CEP120: variants seen among roughly 807,000 people sequenced by gnomAD.
CEP120 encodes the protein centrosomal protein of 120 kDa.
Under a neutral mutation model 126.5 loss-of-function variants are expected in CEP120, and 113 were observed. The observed-to-expected ratio is 0.89, with a 90% CI of 0.77 to 1.04. The LOEUF (loss-of-function observed/expected upper bound fraction) is 1.04, where lower values mean the gene tolerates loss of function less well. Ranked by LOEUF, CEP120 falls within the 50% of genes least tolerant of loss-of-function variation. The pLI is 0.00. For synonymous variants in CEP120, 400 were observed against 394.3 expected (o/e 1.01, Z -0.17); for missense variants, 1,230 against 1,155.7 (o/e 1.06, Z -0.93).
rs1395177454 is a variant in CEP120, at chr5:123,356,213, A to G, written c.2581-6124T>C. On this transcript the variant is annotated intron_variant, in intron 18 of 19. Transcript: ENST00000306467. Reference sequence around the variant, plus strand: ...GTAGTATAGTTTGAAGTCAGGTAGCATGATGCCTCCAGCTTTGTTCTTTTG... The same window carrying G: ...GTAGTATAGTTTGAAGTCAGGTAGCGTGATGCCTCCAGCTTTGTTCTTTTG... Among the ~76,000 whole-genome samples, 9 of 152,050 alleles carry G rather than the reference A, an allele frequency of 5.9e-5. No individual in the cohort carries two copies. In the East Asian group the frequency reaches 1.2e-3, roughly 20 times the overall value.
chr5:123,372,860 A>T (rs1354090047), intron 16 of CEP120, 88 bp from the exon 17 acceptor site: 25 of 990,666 alleles, frequency 2.5e-5, no homozygotes, highest in Non-Finnish European at 3.4e-5. Flanking sequence ...CTTTTTTTTT[A>T]TTCTACAGCA....
intron 7 of CEP120, chr5:123,390,853 G>T (rs1285496527): frequency 2.9e-6 from 1 of 343,428 alleles, no homozygotes; most frequent in Admixed American, 4.3e-5. Flanking sequence ...TGGAGTTGGG[G>T]GTGGGGGAGA....
At chr5:123,362,052 T>C (rs767723038) in intron 18 of CEP120, among the ~76,000 whole-genome samples, 7 of 151,772 alleles carry the variant, frequency 4.6e-5, no homozygotes, top group Non-Finnish European at 1.0e-4. Flanking sequence ...ATGCTGCTTC[T>C]GATGGAGTTT....
Position 123,386,653 on chromosome 5 carries a change from A to G in CEP120, c.1445T>C (p.Phe482Ser), listed in dbSNP as rs771278625. ...CATAATAGGAGCTGCACTTCCAAAG[A>G]ATGGATATGAGTACCTAGAATTTAA... ...INCILRYSYP[F>S]FGSAAPIMTN... is the part of the protein sequence containing the mutation. Residue 482 changes from phenylalanine to serine, a missense_variant, in exon 10 of 20, where the codon TTC becomes TCC. Coordinates refer to ENST00000306467, the MANE Select transcript of CEP120 (RefSeq NM_001375405.1). The G allele has an allele frequency of 2.2e-6, 3 of 1,339,502 alleles. No homozygotes were observed. Among genetic ancestry groups the G allele is most frequent in the South Asian group, 3.1e-5 (2 of 64,054 alleles). 83.0% of individuals were successfully genotyped at this position (1,339,502 alleles called of 1,614,324 possible). A position where few individuals can be genotyped will look rare whatever the true frequency, so the allele number is the denominator to read the frequency against.
intron 19 of CEP120, among the ~76,000 whole-genome samples, chr5:123,348,388 A>G (rs929596956): frequency 1.3e-5 from 2 of 152,304 alleles, no homozygotes; most frequent in Non-Finnish European, 2.9e-5. Context: ...TAGAACCAAG[A>G]AAGTGCTATA....
intron 18 of CEP120, among the ~76,000 whole-genome samples, chr5:123,353,047 G>C (rs184717554): frequency 6.6e-6 from 1 of 151,978 alleles, no homozygotes; most frequent in African/African-American, 2.4e-5. Context: ...AAATACATCT[G>C]TGTTATCTGC....
chr5:123,357,521 GTTGA>G (rs1391703289), intron 18 of CEP120, among the ~76,000 whole-genome samples: 17 of 152,170 alleles, frequency 1.1e-4, no homozygotes, highest in African/African-American at 3.1e-4. Context: ...AATTACACTT[GTTGA>G]TTAATTTGTA....
intron 19 of CEP120, among the ~76,000 whole-genome samples, chr5:123,349,423 T>C (rs1032616066): frequency 6.6e-6 from 1 of 152,168 alleles, no homozygotes; most frequent in African/African-American, 2.4e-5. Flanking sequence ...TTAAGAGCTA[T>C]TGTTACAGAT....
Position 123,354,667 on chromosome 5 carries a change from G to A in CEP120, c.2581-4578C>T, listed in dbSNP as rs146198734. Among the ~76,000 whole-genome samples the A allele has an allele frequency of 2.6e-4, 40 of 151,856 alleles. No homozygotes were observed. The East Asian group carries it at 6.2e-3, about 24-fold the overall frequency. ...CTTTACCTACAGTAAAATGCCTCTCGCCCTATAAGTCTGGTTTGCCTAATA... is the reference window on the plus strand; with the variant it reads ...CTTTACCTACAGTAAAATGCCTCTCACCCTATAAGTCTGGTTTGCCTAATA... On this transcript the variant is annotated intron_variant, in intron 18 of 19. Transcript: ENST00000306467.
chr5:123,419,631 G>A (rs555811086), intron 1 of CEP120, among the ~76,000 whole-genome samples: 1 of 151,226 alleles, frequency 6.6e-6, no homozygotes, highest in African/African-American at 2.4e-5. Context: ...TATTCTCAAG[G>A]ACAACACTGT....
chr5:123,421,756 G>A (rs755707998), intron 1 of CEP120, among the ~76,000 whole-genome samples: 1 of 152,164 alleles, frequency 6.6e-6, no homozygotes, highest in Non-Finnish European at 1.5e-5. Context: ...TCAGTTATAA[G>A]TCTAAAAACT....
chr5:123,423,096 C>T lies in CEP120; in HGVS notation c.-98G>A. On this transcript the variant is annotated 5_prime_UTR_variant, in exon 1 of 20. Coordinates refer to ENST00000306467, the MANE Select transcript of CEP120 (RefSeq NM_001375405.1). Reference sequence around the variant, plus strand: ...GGACCCCCGGCGGGACCCCCACTGCCCGCCCCCGGTCCCTGATGCCCGGAC... The same window carrying T: ...GGACCCCCGGCGGGACCCCCACTGCTCGCCCCCGGTCCCTGATGCCCGGAC... The T allele has an allele frequency of 2.0e-6, 2 of 1,020,058 alleles. No individual in the cohort carries two copies. The highest frequency in any genetic ancestry group is 3.1e-6 in the Non-Finnish European group (2 of 653,986). 63.2% of individuals were successfully genotyped at this position (1,020,058 alleles called of 1,614,324 possible).
intron 14 of CEP120, among the ~76,000 whole-genome samples, chr5:123,381,482 T>G (rs886407660): frequency 6.6e-6 from 1 of 152,134 alleles, no homozygotes; most frequent in Non-Finnish European, 1.5e-5. Context: ...AATAGAATAT[T>G]TGAAGAAAGT....
chr5:123,422,425 C>CA (rs1774777289), intron 1 of CEP120: 1 of 1,223,462 alleles, frequency 8.2e-7, no homozygotes, highest in Non-Finnish European at 1.2e-6. Flanking sequence ...GTCTGACACT[C>CA]AATGAGTCCC....
At chr5:123,362,754 A>G (rs920947773) in intron 18 of CEP120, among the ~76,000 whole-genome samples, 5 of 151,630 alleles carry the variant, frequency 3.3e-5, no homozygotes, top group African/African-American at 1.2e-4. Context: ...TCCAAGTTCT[A>G]GCTGGCACAA....
chr5:123,390,282 A>C (rs1457580146), intron 7 of CEP120, 142 bp from the exon 8 acceptor site: 1 of 737,394 alleles, frequency 1.4e-6, no homozygotes, highest in Non-Finnish European at 2.4e-6. Context: ...CGTAATTTGC[A>C]AATTTCCTTA....
chr5:123,410,974 T>C (rs1386592762), intron 4 of CEP120, among the ~76,000 whole-genome samples: 1 of 152,138 alleles, frequency 6.6e-6, no homozygotes, highest in African/African-American at 2.4e-5. Context: ...CAAAGAACTC[T>C]TAAAATTCAA....
At chr5:123,363,059 A>T (rs1291713597) in intron 18 of CEP120, among the ~76,000 whole-genome samples, 2 of 151,604 alleles carry the variant, frequency 1.3e-5, no homozygotes, top group Non-Finnish European at 3.0e-5. Flanking sequence ...ACCAGAAATG[A>T]CTTAGAAAAC....
At chr5:123,414,053 C>A (rs1774234793) in intron 3 of CEP120, among the ~76,000 whole-genome samples, 1 of 152,138 alleles carries the variant, frequency 6.6e-6, no homozygotes, top group Non-Finnish European at 1.5e-5. Flanking sequence ...AATAACTGAG[C>A]CATTTCTCCC....
Sources: gnomAD v4.1 joint callset for allele counts (sites outside exome capture counted in the v4.1 genomes callset) on GRCh38, gnomAD v4.1.1 for gene constraint, MANE v1.5 for transcripts, NCBI Gene and HGNC (gene_info 2026-07-23, HGNC 2026-07-21) for gene names.